XPO7: variants seen among roughly 807,000 people sequenced by gnomAD.
XPO7 encodes the protein exportin 7, also known as exportin-7.
A neutral mutation model predicts 144.3 loss-of-function variants in XPO7; 21 were observed. That is an observed-to-expected ratio of 0.15 (90% CI 0.10 to 0.21). The LOEUF is 0.21. Among genes scored for constraint, XPO7 ranks in the 10% least tolerant of loss-of-function variants. The pLI is 1.00. For synonymous variants in XPO7, 580 were observed against 499.6 expected, an observed-to-expected ratio of 1.16 and a Z score of -2.15; for missense variants, 808 against 1,325.8, an observed-to-expected ratio of 0.61 and a Z score of 6.06.
chr8:21,990,176 T>C (rs772769887), intron 16 of XPO7, among the ~76,000 whole-genome samples, 168 bp from the exon 17 acceptor site: 60 of 152,126 alleles, frequency 3.9e-4, no homozygotes, highest in Admixed American at 1.2e-3. Context: ...ACTGATTAAA[T>C]AGTGCTTAGA....
chr8:21,921,138 G>GAT (rs1208238541), intron 1 of XPO7, among the ~76,000 whole-genome samples: 2 of 152,216 alleles, frequency 1.3e-5, no homozygotes, highest in East Asian at 3.9e-4. Flanking sequence ...TTGATACAAG[G>GAT]AGATGATAAT....
intron 21 of XPO7, among the ~76,000 whole-genome samples, chr8:21,997,633 C>G (rs967358588): frequency 6.6e-6 from 1 of 152,116 alleles, no homozygotes; most frequent in Non-Finnish European, 1.5e-5. Context: ...CTTCGCACAG[C>G]AGTAGTGAGG....
At chr8:21,986,972 T>G (rs1021850449) in intron 13 of XPO7, among the ~76,000 whole-genome samples, 169 bp from the exon 14 acceptor site, 2 of 152,202 alleles carry the variant, frequency 1.3e-5, no homozygotes, top group Non-Finnish European at 2.9e-5. Flanking sequence ...CCAAAAAGAT[T>G]GAAAACTCCT....
intron 20 of XPO7, among the ~76,000 whole-genome samples, chr8:21,995,009 G>A (rs200617634): frequency 3.9e-5 from 6 of 151,906 alleles, no homozygotes; most frequent in African/African-American, 9.7e-5. Context: ...AGCCGAGATC[G>A]CGCCACTGCA....
At chr8:21,994,284 T>C (rs1286613312) in intron 19 of XPO7, 79 bp from the exon 20 acceptor site, 13 of 1,017,600 alleles carry the variant, frequency 1.3e-5, no homozygotes, top group Non-Finnish European at 2.0e-5. Context: ...AATTTGATGA[T>C]ACATGTGTGG....
intron 5 of XPO7, 88 bp from the exon 6 acceptor site, chr8:21,974,582 G>A: frequency 1.2e-6 from 1 of 834,208 alleles, no homozygotes. Flanking sequence ...GCTCTTACTG[G>A]AAATCCTTCT....
At chr8:21,921,328 T>G (rs1400044460) in intron 1 of XPO7, 1 of 152,182 alleles carries the variant, frequency 6.6e-6, no homozygotes, top group East Asian at 1.9e-4. Flanking sequence ...TTGGTTAAGG[T>G]AAGTCTAAGT....
intron 2 of XPO7, among the ~76,000 whole-genome samples, chr8:21,968,476 T>C (rs1459636462): frequency 6.6e-6 from 1 of 152,374 alleles, no homozygotes; most frequent in Middle Eastern, 3.4e-3. Flanking sequence ...TTTACGCACA[T>C]AGTGTTTTAT....
At position 21,971,957 on chromosome 8, in the gene XPO7, T is replaced by C. The variant is rs769234605; in HGVS notation, c.492+16T>C. ...AATTAATCAAGTAAGTGCTACAGCCTTCCTCATTGAAGTAAGTGCCATATT... is the reference window on the plus strand; with the variant it reads ...AATTAATCAAGTAAGTGCTACAGCCCTCCTCATTGAAGTAAGTGCCATATT... On this transcript the variant is annotated intron_variant, in intron 5 of 27. Coordinates refer to ENST00000252512, the MANE Select transcript of XPO7 (RefSeq NM_015024.5). 4.3e-6 allele frequency: 7 copies of C among 1,611,750 alleles called. 1 individual carries two copies. In the Admixed American group the frequency reaches 1.2e-4, roughly 27 times the overall value.
intron 1 of XPO7, among the ~76,000 whole-genome samples, chr8:21,939,564 A>G (rs903734186): frequency 4.6e-5 from 7 of 152,224 alleles, no homozygotes; most frequent in African/African-American, 1.7e-4. Flanking sequence ...TACTTCCAAC[A>G]ACCAAGTAAT....
At chr8:21,947,417 G>T (rs940481230) in intron 1 of XPO7, among the ~76,000 whole-genome samples, 3 of 152,026 alleles carry the variant, frequency 2.0e-5, no homozygotes, top group Non-Finnish European at 4.4e-5. Flanking sequence ...GGGACAGAGG[G>T]GTCTGAGGTA....
intron 1 of XPO7, among the ~76,000 whole-genome samples, chr8:21,943,293 C>T (rs1390289370): frequency 6.6e-6 from 1 of 152,134 alleles, no homozygotes; most frequent in African/African-American, 2.4e-5. Flanking sequence ...CCTGGCTTGT[C>T]AAGAATTAAG....
chr8:21,954,797 TTTAA>T (rs1424783950), intron 1 of XPO7, among the ~76,000 whole-genome samples: 1 of 152,220 alleles, frequency 6.6e-6, no homozygotes, highest in African/African-American at 2.4e-5. Flanking sequence ...TTTTGACTGC[TTTAA>T]TATCTAGCCA....
chr8:21,980,758 G>C (rs1453868461), intron 9 of XPO7, among the ~76,000 whole-genome samples: 1 of 149,542 alleles, frequency 6.7e-6, no homozygotes, highest in Non-Finnish European at 1.5e-5. Flanking sequence ...TTGGGCGACA[G>C]AGTAAGACTC....
At chr8:21,998,421 A>T (rs976428419) in intron 21 of XPO7, among the ~76,000 whole-genome samples, 1 of 152,334 alleles carries the variant, frequency 6.6e-6, no homozygotes, top group Non-Finnish European at 1.5e-5. Context: ...AGCCTGGGCG[A>T]CAGAGTAAGA....
intron 1 of XPO7, among the ~76,000 whole-genome samples, chr8:21,951,922 G>C (rs568587021): frequency 3.3e-5 from 5 of 152,322 alleles, no homozygotes; most frequent in African/African-American, 9.6e-5. Flanking sequence ...AGACACAGCA[G>C]TTAATCAAGA....
At chr8:21,996,268 AGC>A (rs1812946233) in intron 21 of XPO7, among the ~76,000 whole-genome samples, 1 of 152,192 alleles carries the variant, frequency 6.6e-6, no homozygotes, top group Admixed American at 6.5e-5. Context: ...ACAAAAAATT[AGC>A]TGGGCATGGT....
At chr8:21,936,393 C>G (rs545260885) in intron 1 of XPO7, among the ~76,000 whole-genome samples, 1 of 152,128 alleles carries the variant, frequency 6.6e-6, no homozygotes, top group African/African-American at 2.4e-5. Context: ...TGCCCAGTAT[C>G]CATGTCACTA....
chr8:21,967,151 C>A, intron 2 of XPO7, 148 bp downstream of exon 2: 3 of 1,109,762 alleles, frequency 2.7e-6, no homozygotes, highest in Non-Finnish European at 3.7e-6. Flanking sequence ...AGTACCATAC[C>A]TACCAGGTTG....
Sources: gnomAD v4.1 joint callset for allele counts (sites outside exome capture counted in the v4.1 genomes callset) on GRCh38, gnomAD v4.1.1 for gene constraint, MANE v1.5 for transcripts, NCBI Gene and HGNC (gene_info 2026-07-23, HGNC 2026-07-21) for gene names.